ZNF438: variants seen among roughly 807,000 people sequenced by gnomAD.
The protein encoded by ZNF438 is zinc finger protein 438.
Under a neutral mutation model 38.0 loss-of-function variants are expected in ZNF438, and 25 were observed. The observed-to-expected ratio is 0.66, with a 90% CI of 0.48 to 0.92. The LOEUF (loss-of-function observed/expected upper bound fraction) is 0.92. Among genes scored for constraint, ZNF438 ranks in the 40% least tolerant of loss-of-function variants. The pLI, the probability that ZNF438 is intolerant of heterozygous loss-of-function variation, is 0.00. For missense variants in ZNF438, 1,007 were observed against 999.6 expected, an observed-to-expected ratio of 1.01 and a Z score of -0.10; for synonymous variants, 372 against 364.1, an observed-to-expected ratio of 1.02 and a Z score of -0.25.
chr10:31,022,235 G>A (rs913843955), intron 1 of ZNF438, among the ~76,000 whole-genome samples: 5 of 150,694 alleles, frequency 3.3e-5, no homozygotes, highest in African/African-American at 1.2e-4. Context: ...GCCTGCTGCC[G>A]CTCTGATCCA....
At chr10:30,870,190 T>A (rs1428182536) in intron 4 of ZNF438, among the ~76,000 whole-genome samples, 1 of 152,218 alleles carries the variant, frequency 6.6e-6, no homozygotes, top group African/African-American at 2.4e-5. Context: ...TTGATTCTCA[T>A]TATTTGTAGA....
intron 1 of ZNF438, among the ~76,000 whole-genome samples, chr10:30,954,088 A>G (rs2048583378): frequency 6.6e-6 from 1 of 152,134 alleles, no homozygotes; most frequent in Admixed American, 6.5e-5. Context: ...GGTTGCATTG[A>G]GCCAAGATCG....
At chr10:30,853,851 C>CGAGT (rs2034138683) in intron 4 of ZNF438, among the ~76,000 whole-genome samples, 1 of 151,894 alleles carries the variant, frequency 6.6e-6, no homozygotes, top group Non-Finnish European at 1.5e-5. Flanking sequence ...AAAAATTAGC[C>CGAGT]GAGTGTGGTG....
At chr10:31,021,207 A>C (rs1183504870) in intron 1 of ZNF438, among the ~76,000 whole-genome samples, 11 of 152,192 alleles carry the variant, frequency 7.2e-5, no homozygotes, top group Non-Finnish European at 1.6e-4. Context: ...GCATTTAAAA[A>C]TAAAACTTCA....
chr10:31,020,322 T>C (rs1302736719), intron 1 of ZNF438, among the ~76,000 whole-genome samples: 1 of 152,032 alleles, frequency 6.6e-6, no homozygotes, highest in Non-Finnish European at 1.5e-5. Context: ...AGCTGAGTGC[T>C]CCAGAAAACA....
intron 4 of ZNF438, among the ~76,000 whole-genome samples, chr10:30,860,693 A>C (rs189643415): frequency 6.6e-6 from 1 of 152,258 alleles, no homozygotes; most frequent in Non-Finnish European, 1.5e-5. Flanking sequence ...ATCCCAGTTG[A>C]TAAAGTGCTA....
chr10:30,966,826 C>A (rs1210750965), intron 1 of ZNF438, among the ~76,000 whole-genome samples: 1 of 152,122 alleles, frequency 6.6e-6, no homozygotes, highest in Admixed American at 6.5e-5. Flanking sequence ...TACCCACCCC[C>A]CTGTAAAACT....
intron 1 of ZNF438, among the ~76,000 whole-genome samples, chr10:30,980,269 A>AAC (rs1201020120): frequency 3.8e-4 from 58 of 151,876 alleles, no homozygotes; most frequent in African/African-American, 1.4e-3. Flanking sequence ...AAAAAAAAAA[A>AAC]AACACCTTTT....
intron 4 of ZNF438, among the ~76,000 whole-genome samples, chr10:30,865,944 T>A (rs919473128): frequency 1.2e-4 from 19 of 152,198 alleles, no homozygotes; most frequent in African/African-American, 4.3e-4. Context: ...ACTCTTTTCA[T>A]ACTCATATCA....
intron 1 of ZNF438, among the ~76,000 whole-genome samples, chr10:30,982,638 A>G (rs2052344876): frequency 6.6e-6 from 1 of 152,128 alleles, no homozygotes. Flanking sequence ...ATATATTTAT[A>G]TTTCCCTTTA....
chr10:30,891,427 CATT>C (rs56243106), intron 3 of ZNF438, among the ~76,000 whole-genome samples: 52,925 of 151,784 alleles, frequency 0.35, 10,717 homozygotes, highest in African/African-American at 0.56. Flanking sequence ...TTAATTCTGC[CATT>C]AATAAACTTT....
At chr10:30,852,608 C>G (rs2033870851) in intron 4 of ZNF438, among the ~76,000 whole-genome samples, 1 of 152,108 alleles carries the variant, frequency 6.6e-6, no homozygotes. Flanking sequence ...AACAAGCAAC[C>G]TAGTAGAAAT....
chr10:30,968,142 C>T (rs2050338506), intron 1 of ZNF438, among the ~76,000 whole-genome samples: 1 of 152,112 alleles, frequency 6.6e-6, no homozygotes, highest in African/African-American at 2.4e-5. Flanking sequence ...CCCAACAGTG[C>T]CCTAAGTAAA....
chr10:30,845,419 T>C (rs200950845), exon 6 of ZNF438: 1 of 1,614,036 alleles, frequency 6.2e-7, no homozygotes, highest in African/African-American at 1.3e-5. Flanking sequence ...TCTTGTAGCC[T>C]GCCCTCAATT....
At chr10:30,918,202 A>G (rs910413335) in intron 2 of ZNF438, among the ~76,000 whole-genome samples, 1 of 152,156 alleles carries the variant, frequency 6.6e-6, no homozygotes, top group Non-Finnish European at 1.5e-5. Flanking sequence ...CTTTATAGTT[A>G]TGGTACAAAT....
At position 30,878,629 on chromosome 10, in the gene ZNF438, CAT is replaced by C. The variant is rs1342213010; in HGVS notation, c.-31-1566_-31-1565del. Among the ~76,000 whole-genome samples, 25 of 152,162 alleles carry C rather than the reference CAT, an allele frequency of 1.6e-4. 1 individual carries two copies. Among genetic ancestry groups the C allele is most frequent in the Admixed American group, 1.6e-3 (25 of 15,274 alleles). On this transcript the variant is annotated intron_variant, in intron 3 of 5. Coordinates refer to ENST00000413025, the Ensembl canonical transcript of ZNF438. The stretch of plus-strand genomic sequence containing the variant: ...TTGCTGGTGGAGTGTAGACACCCCA[CAT>C]GACAAGACAAGGGGCCCACTGAGCT...
chr10:30,903,986 C>A (rs907175880), intron 3 of ZNF438, among the ~76,000 whole-genome samples: 1 of 136,588 alleles, frequency 7.3e-6, no homozygotes, highest in Admixed American at 7.5e-5. Flanking sequence ...AGTAACAGCA[C>A]AACAAATTGA....
At chr10:30,946,274 A>G (rs2047398971) in intron 1 of ZNF438, among the ~76,000 whole-genome samples, 1 of 152,144 alleles carries the variant, frequency 6.6e-6, no homozygotes, top group Non-Finnish European at 1.5e-5. Context: ...CATTCAGGAC[A>G]TAGGCATGGG....
intron 1 of ZNF438, among the ~76,000 whole-genome samples, chr10:31,008,629 A>G (rs1319388436): frequency 6.6e-6 from 1 of 152,216 alleles, no homozygotes; most frequent in African/African-American, 2.4e-5. Flanking sequence ...TTAATGCTGA[A>G]TAATATTCCA....
Sources: gnomAD v4.1 joint callset for allele counts (sites outside exome capture counted in the v4.1 genomes callset) on GRCh38, gnomAD v4.1.1 for gene constraint, MANE v1.5 for transcripts, NCBI Gene and HGNC (gene_info 2026-07-23, HGNC 2026-07-21) for gene names.